The following TAOK1 variants were observed in gnomAD, a reference collection of about 807,000 sequenced individuals.
TAOK1 encodes the protein TAO kinase 1, also known as serine/threonine-protein kinase TAO1.
TAOK1 carries 21 observed loss-of-function variants against 138.3 expected under a neutral mutation model. The ratio of observed to expected loss-of-function variants is 0.15; its 90% CI spans 0.11 to 0.22. The LOEUF (loss-of-function observed/expected upper bound fraction) is 0.22, where lower values mean the gene tolerates loss of function less well. TAOK1 is among the 10% of genes least tolerant of loss of function. TAOK1 has a pLI of 1.00. For missense variants in TAOK1, 651 were observed against 1,227.7 expected, an observed-to-expected ratio of 0.53 and a Z score of 7.02; for synonymous variants, 361 against 398.4, an observed-to-expected ratio of 0.91 and a Z score of 1.12.
chr17:29,408,667 T>G (rs1349295336), intron 1 of TAOK1, among the ~76,000 whole-genome samples: 8 of 152,058 alleles, frequency 5.3e-5, no homozygotes, highest in Admixed American at 5.3e-4. Flanking sequence ...CTTTGCAGTC[T>G]CTTTTCAGTC....
chr17:29,522,488 T>C lies in TAOK1; in HGVS notation c.2117T>C (p.Met706Thr), dbSNP rs775492185. The change falls in exon 17 of 20, where the codon ATG becomes ACG. Residue 706 changes from methionine to threonine, a missense_variant. Transcript: ENST00000261716. ...CGAGAACTAAGACGAAAGCATGTCA[T>C]GGAAGTTCGACAACAGCCTAAGAGT... ...RERELRRKHV[M>T]EVRQQPKSLK... The C allele has an allele frequency of 1.2e-6, 2 of 1,614,210 alleles. No homozygotes were observed. The highest frequency in any genetic ancestry group is 1.7e-5 in the Admixed American group (1 of 60,006).
Position 29,501,265 on chromosome 17 carries a change from GGT to G in TAOK1, c.1204-1320_1204-1319del, listed in dbSNP as rs569820590. On this transcript the variant is annotated intron_variant, in intron 12 of 19. Coordinates refer to ENST00000261716, the MANE Select transcript of TAOK1 (RefSeq NM_020791.4). ...AAAGAAAAGAAAAGAAAAACAGCCA[GGT>G]GTGGCATATGCCTGTGGCCCCATCT... 6.2e-4 allele frequency among the ~76,000 whole-genome samples: 94 copies of G among 150,960 alleles called. 4 individuals are homozygous for G. In the South Asian group the frequency reaches 0.019, roughly 30 times the overall value.
chr17:29,445,733 G>A (rs551065974), intron 1 of TAOK1, among the ~76,000 whole-genome samples: 2 of 152,004 alleles, frequency 1.3e-5, no homozygotes, highest in South Asian at 4.2e-4. Context: ...TGATATTTTT[G>A]CTTTTATGTT....
chr17:29,484,695 C>T (rs934533916), intron 8 of TAOK1, among the ~76,000 whole-genome samples: 1 of 152,042 alleles, frequency 6.6e-6, no homozygotes, highest in Non-Finnish European at 1.5e-5. Flanking sequence ...ACCTCCGCCT[C>T]CTGGGTTCAA....
rs1005084398 is a variant in TAOK1, at chr17:29,545,507, G to C, written c.*2485G>C. ...AATTGAGAGTTACTGAGTCCATTCAGATCTCCAGTAGGGTTTTGTATCTAA... is the reference window on the plus strand; with the variant it reads ...AATTGAGAGTTACTGAGTCCATTCACATCTCCAGTAGGGTTTTGTATCTAA... On this transcript the variant is annotated 3_prime_UTR_variant, in exon 20 of 20. Coordinates refer to ENST00000261716, the MANE Select transcript of TAOK1 (RefSeq NM_020791.4). The C allele has an allele frequency of 5.9e-5, 9 of 152,136 alleles. No individual in the cohort carries two copies. Among genetic ancestry groups the C allele is most frequent in the African/African-American group, 2.2e-4 (9 of 41,442 alleles). 9.4% of individuals were successfully genotyped at this position (152,136 alleles called of 1,614,324 possible).
chr17:29,488,610 T>A (rs559203032), intron 8 of TAOK1, among the ~76,000 whole-genome samples: 35 of 116,054 alleles, frequency 3.0e-4, no homozygotes, highest in African/African-American at 1.1e-3. Context: ...TAATAATAAT[T>A]GTTAATTTTT....
intron 19 of TAOK1, 40 bp from the exon 20 acceptor site, chr17:29,542,516 TAAAAA>T: frequency 7.3e-6 from 11 of 1,501,628 alleles, no homozygotes; most frequent in Non-Finnish European, 9.8e-6. Context: ...TTTATAGACT[TAAAAA>T]TAATAAATTG....
intron 1 of TAOK1, among the ~76,000 whole-genome samples, chr17:29,393,378 GAAAA>G (rs202197105): frequency 6.8e-6 from 1 of 146,410 alleles, no homozygotes; most frequent in Non-Finnish European, 1.5e-5. Context: ...AAGGACAACT[GAAAA>G]AAAAACAACT....
intron 16 of TAOK1, among the ~76,000 whole-genome samples, chr17:29,519,186 A>C (rs762411480): frequency 2.0e-5 from 3 of 147,402 alleles, no homozygotes; most frequent in Admixed American, 6.7e-5. Context: ...TTAATTGGGT[A>C]AATGTTGTAG....
chr17:29,442,504 A>G (rs987626353), intron 1 of TAOK1, among the ~76,000 whole-genome samples: 1 of 150,184 alleles, frequency 6.7e-6, no homozygotes, highest in South Asian at 2.1e-4. Flanking sequence ...TATGGAACCT[A>G]TTTTTTGTTA....
chr17:29,526,528 G>T (rs146600427), intron 17 of TAOK1, among the ~76,000 whole-genome samples: 1,863 of 151,824 alleles, frequency 0.012, 18 homozygotes, highest in Middle Eastern at 0.092. Context: ...TGATTCTCCT[G>T]CCTCAGCCTC....
At chr17:29,480,549 G>A (rs559239646) in intron 7 of TAOK1, 68 bp downstream of exon 7, 2 of 1,340,126 alleles carry the variant, frequency 1.5e-6, no homozygotes, top group Non-Finnish European at 2.1e-6. Context: ...AAATACAAAT[G>A]AAGTGTAAGG....
At chr17:29,467,287 T>C in intron 3 of TAOK1, 71 bp downstream of exon 3, 10 of 969,958 alleles carry the variant, frequency 1.0e-5, no homozygotes, top group Non-Finnish European at 1.5e-5. Flanking sequence ...ATTCTTTTTT[T>C]TTTTGAGACT....
chr17:29,412,670 T>C (rs1193693637), intron 1 of TAOK1, among the ~76,000 whole-genome samples: 1 of 152,240 alleles, frequency 6.6e-6, no homozygotes, highest in Non-Finnish European at 1.5e-5. Context: ...AATTGTTGAA[T>C]AGAATCTAAT....
intron 1 of TAOK1, among the ~76,000 whole-genome samples, chr17:29,403,108 C>T (rs1357091498): frequency 2.3e-5 from 3 of 130,996 alleles, no homozygotes; most frequent in Non-Finnish European, 3.0e-5. Flanking sequence ...TTGCAGTGAG[C>T]CAAGATTGTG....
intron 1 of TAOK1, among the ~76,000 whole-genome samples, chr17:29,412,572 G>A (rs1905173602): frequency 6.6e-6 from 1 of 151,502 alleles, no homozygotes; most frequent in Non-Finnish European, 1.5e-5. Flanking sequence ...TCCTTTTTTT[G>A]TAAGTACTTA....
At chr17:29,455,051 C>T (rs1175160279) in intron 2 of TAOK1, among the ~76,000 whole-genome samples, 1 of 152,124 alleles carries the variant, frequency 6.6e-6, no homozygotes, top group Non-Finnish European at 1.5e-5. Flanking sequence ...GCTGGGATTA[C>T]AGGTACACAC....
intron 19 of TAOK1, among the ~76,000 whole-genome samples, chr17:29,540,077 G>A (rs1256251916): frequency 6.6e-6 from 1 of 152,084 alleles, no homozygotes; most frequent in East Asian, 1.9e-4. Context: ...ATGTGTAAAG[G>A]CATGGAGAAA....
At chr17:29,499,475 A>T (rs1326132000) in intron 12 of TAOK1, among the ~76,000 whole-genome samples, 3 of 151,194 alleles carry the variant, frequency 2.0e-5, no homozygotes, top group Non-Finnish European at 4.4e-5. Flanking sequence ...CAAGTGATCC[A>T]CCTGCCTCAG....
Sources: gnomAD v4.1 joint callset for allele counts (sites outside exome capture counted in the v4.1 genomes callset) on GRCh38, gnomAD v4.1.1 for gene constraint, MANE v1.5 for transcripts, NCBI Gene and HGNC (gene_info 2026-07-23, HGNC 2026-07-21) for gene names.